Variants in RPS6KC1 observed in about 807,000 individuals in gnomAD.
The protein encoded by RPS6KC1 is inactive ribosomal protein S6 kinase delta-1.
In RPS6KC1, 54 loss-of-function variants were observed where a neutral mutation model predicts 103.8. The observed-to-expected ratio is 0.52, with a 90% confidence interval of 0.42 to 0.65. The LOEUF (loss-of-function observed/expected upper bound fraction) is 0.65, where lower values mean the gene tolerates loss of function less well. RPS6KC1 is among the 30% of genes least tolerant of loss of function. RPS6KC1 has a pLI of 0.00. For synonymous variants in RPS6KC1, 439 were observed against 438.7 expected (o/e 1.00, Z -0.01); for missense variants, 1,151 against 1,253.8 (o/e 0.92, Z 1.24).
At position 213,230,531 on chromosome 1, in the gene RPS6KC1, C is replaced by T. The variant is rs752106541; in HGVS notation, c.1079C>T (p.Thr360Ile). ...GTAATGGACACAAGGACAGAACAGA[C>T]TTTCATTTTAAAAGTAAGTAAAATT... ...LLVMDTRTEQ[T>I]FILKGLRKSS... Residue 360 changes from threonine to isoleucine, a missense_variant, in exon 9 of 15, where the codon ACT (threonine) becomes ATT (isoleucine). By Grantham distance (89) the Thr-to-Ile change is moderately conservative (BLOSUM62 -1). Transcript: ENST00000366960. 3.1e-6 allele frequency: 5 copies of T among 1,604,408 alleles called. No individual in the cohort carries two copies. The highest frequency in any genetic ancestry group is 1.3e-5 in the African/African-American group (1 of 74,200).
chr1:213,548,627 C>T, the RPS6KC1 span, among the ~76,000 whole-genome samples: 124 of 152,206 alleles, frequency 8.1e-4, no homozygotes, highest in African/African-American at 2.9e-3. Flanking sequence ...TGCCACTGCA[C>T]TCCAGCCTGG....
At chr1:213,702,878 C>G in the RPS6KC1 span, among the ~76,000 whole-genome samples, 1 of 148,326 alleles carries the variant, frequency 6.7e-6, no homozygotes, top group African/African-American at 2.5e-5. Flanking sequence ...TGTTTTTAAC[C>G]CATTCAACTA....
At chr1:213,170,413 A>C (rs2091379873) in intron 7 of RPS6KC1, among the ~76,000 whole-genome samples, 2 of 152,228 alleles carry the variant, frequency 1.3e-5, no homozygotes, top group African/African-American at 4.8e-5. Flanking sequence ...AGCATCTTTT[A>C]AGACTGTATA....
At chr1:213,559,597 TGGACACTATGCTGGCC>T in the RPS6KC1 span, among the ~76,000 whole-genome samples, 2 of 152,190 alleles carry the variant, frequency 1.3e-5, no homozygotes, top group African/African-American at 4.8e-5. Flanking sequence ...GAACAAAATT[TGGACACTATGCTGGCC>T]AAACAAAACA....
At chr1:213,311,277 T>C in the RPS6KC1 span, among the ~76,000 whole-genome samples, 3 of 152,050 alleles carry the variant, frequency 2.0e-5, no homozygotes, top group African/African-American at 7.2e-5. Context: ...TAGCTGGGAC[T>C]ACAGGTGCCC....
chr1:213,634,602 C>T, the RPS6KC1 span, among the ~76,000 whole-genome samples: 2 of 152,150 alleles, frequency 1.3e-5, no homozygotes, highest in East Asian at 3.9e-4. Context: ...AAATTTATAG[C>T]TCTAAATGCC....
chr1:213,752,825 C>T, the RPS6KC1 span, among the ~76,000 whole-genome samples: 2 of 152,136 alleles, frequency 1.3e-5, no homozygotes, highest in Non-Finnish European at 2.9e-5. Flanking sequence ...CTCAGGTCTT[C>T]CACCTCCAAT....
the RPS6KC1 span, among the ~76,000 whole-genome samples, chr1:213,811,852 C>T: frequency 6.6e-6 from 1 of 152,306 alleles, no homozygotes; most frequent in African/African-American, 2.4e-5. Context: ...GTTTTTAACA[C>T]AAGGGTGGTA....
intron 8 of RPS6KC1, among the ~76,000 whole-genome samples, chr1:213,187,776 G>A (rs1050790006): frequency 2.8e-4 from 43 of 151,468 alleles, no homozygotes; most frequent in African/African-American, 9.9e-4. Flanking sequence ...TTGCATTGAA[G>A]GATAGTTATT....
At chr1:213,052,090 A>G (rs2076995291) in intron 1 of RPS6KC1, among the ~76,000 whole-genome samples, 1 of 152,178 alleles carries the variant, frequency 6.6e-6, no homozygotes, top group Admixed American at 6.5e-5. Context: ...GTGAGCTACC[A>G]TGAGGGCACA....
the RPS6KC1 span, among the ~76,000 whole-genome samples, chr1:213,458,666 A>C: frequency 6.6e-6 from 1 of 152,144 alleles, no homozygotes; most frequent in African/African-American, 2.4e-5. Context: ...AGTGGTGAGA[A>C]AGGGCATCCT....
the RPS6KC1 span, among the ~76,000 whole-genome samples, chr1:213,305,845 G>C: frequency 3.3e-5 from 5 of 152,100 alleles, no homozygotes; most frequent in South Asian, 1.0e-3. Context: ...TGTACCAGTC[G>C]ATTTGCTTTT....
chr1:213,816,634 AT>A, the RPS6KC1 span, among the ~76,000 whole-genome samples: 1 of 152,048 alleles, frequency 6.6e-6, no homozygotes. Context: ...CTCTGGTGTT[AT>A]TCCCCCCTCT....
chr1:213,649,144 T>C, the RPS6KC1 span, among the ~76,000 whole-genome samples: 1 of 151,652 alleles, frequency 6.6e-6, no homozygotes, highest in Admixed American at 6.6e-5. Context: ...CTTTCCATGA[T>C]CCCCAGACCA....
At chr1:213,293,063 T>C in the RPS6KC1 span, among the ~76,000 whole-genome samples, 2 of 152,206 alleles carry the variant, frequency 1.3e-5, no homozygotes, top group Non-Finnish European at 2.9e-5. Context: ...CATGACAGCA[T>C]CTCCTCATTA....
At chr1:213,790,822 G>C in the RPS6KC1 span, among the ~76,000 whole-genome samples, 1 of 152,174 alleles carries the variant, frequency 6.6e-6, no homozygotes, top group East Asian at 1.9e-4. Context: ...CAAGACATAA[G>C]GTGACATCAA....
At chr1:213,474,720 G>T in the RPS6KC1 span, among the ~76,000 whole-genome samples, 3 of 152,036 alleles carry the variant, frequency 2.0e-5, no homozygotes, top group Admixed American at 6.5e-5. Flanking sequence ...AGGCTCTTAG[G>T]CTCGGTTGTC....
chr1:213,074,843 AT>A (rs752747801), intron 2 of RPS6KC1, among the ~76,000 whole-genome samples: 2,207 of 71,020 alleles, frequency 0.031, 12 homozygotes, highest in Non-Finnish European at 0.033. Context: ...ACTAGAATAA[AT>A]TTTTTTTTTT....
the RPS6KC1 span, among the ~76,000 whole-genome samples, chr1:213,494,085 A>G: frequency 1.3e-5 from 2 of 152,082 alleles, no homozygotes; most frequent in African/African-American, 4.8e-5. Flanking sequence ...TATATGATGC[A>G]ATGATAGGGA....
Sources: allele counts gnomAD v4.1 joint callset (sites outside exome capture counted in the v4.1 genomes callset), GRCh38; gene constraint gnomAD v4.1.1; transcripts MANE v1.5; gene names NCBI Gene and HGNC (gene_info 2026-07-23, HGNC 2026-07-21).